The following GRIK2 variants were observed in gnomAD, a reference collection of about 807,000 sequenced individuals.
The protein encoded by GRIK2 is glutamate ionotropic receptor kainate type subunit 2, also known as glutamate receptor ionotropic, kainate 2.
GRIK2 carries 32 observed loss-of-function variants against 100.3 expected under a neutral mutation model. The observed-to-expected ratio is 0.32, with a 90% CI of 0.24 to 0.43. The LOEUF (loss-of-function observed/expected upper bound fraction) is 0.43. GRIK2 is among the 20% of genes least tolerant of loss of function. The pLI is 1.00. For missense variants in GRIK2, 843 were observed against 1,114.9 expected, an observed-to-expected ratio of 0.76 and a Z score of 3.47; for synonymous variants, 417 against 389.4, an observed-to-expected ratio of 1.07 and a Z score of -0.83.
chr6:101,859,677 G>T (rs915860162), intron 11 of GRIK2, among the ~76,000 whole-genome samples, 184 bp downstream of exon 11: 5 of 152,118 alleles, frequency 3.3e-5, no homozygotes, highest in African/African-American at 1.2e-4. Flanking sequence ...GGGATATATA[G>T]CCCTATATAT....
intron 12 of GRIK2, among the ~76,000 whole-genome samples, chr6:101,893,167 CTT>C (rs1203987785): frequency 6.6e-5 from 10 of 150,924 alleles, no homozygotes; most frequent in Non-Finnish European, 1.2e-4. Flanking sequence ...AAAATTATGT[CTT>C]ATGTCATATA....
intron 14 of GRIK2, among the ~76,000 whole-genome samples, chr6:102,026,744 C>G (rs1769725946): frequency 6.6e-6 from 1 of 151,230 alleles, no homozygotes; most frequent in Non-Finnish European, 1.5e-5. Context: ...CTCTCTGTTT[C>G]ATTGTCCTTC....
In GRIK2 at chr6:101,928,620, G is replaced by C; in HGVS notation, c.2073G>C (p.Met691Ile). The C allele has an allele frequency of 6.4e-7, 1 of 1,570,314 alleles. No individual in the cohort carries two copies. Among genetic ancestry groups the C allele is most frequent in the Non-Finnish European group, 8.8e-7 (1 of 1,140,496 alleles). Residue 691 changes from methionine to isoleucine, a missense_variant, in exon 14 of 17, where the codon ATG becomes ATC. Coordinates refer to ENST00000369134, the MANE Select transcript of GRIK2 (RefSeq NM_021956.5). ...GAGCAGTAGAGGATGGTGCAACCAT[G>C]ACTTTTTTCAAGGTAAGTTCTGCTG... ...EYGAVEDGAT[M>I]TFFKKSKIST...
At chr6:101,528,666 G>C (rs1775273433) in intron 2 of GRIK2, among the ~76,000 whole-genome samples, 1 of 151,984 alleles carries the variant, frequency 6.6e-6, no homozygotes, top group Non-Finnish European at 1.5e-5. Context: ...CTTATATCAG[G>C]GTCCTAGTGT....
At chr6:101,800,951 C>A (rs374908733) in intron 8 of GRIK2, among the ~76,000 whole-genome samples, 1 of 152,108 alleles carries the variant, frequency 6.6e-6, no homozygotes, top group Non-Finnish European at 1.5e-5. Flanking sequence ...CACACAGTGT[C>A]CCCCTTATGA....
chr6:101,966,956 CATG>C (rs1792717782), intron 14 of GRIK2, among the ~76,000 whole-genome samples: 1 of 151,800 alleles, frequency 6.6e-6, no homozygotes, highest in Admixed American at 6.6e-5. Flanking sequence ...ATTATGTATT[CATG>C]ATAAGTAACT....
rs148423181 is a variant in GRIK2 at position 102,006,884 on chromosome 6, G to A, written c.2086-28457G>A. ...CATCATGTTCGTGTAACATACATTT[G>A]ACAAAAAATAAATGCATATTTTCTG... On this transcript the variant is annotated intron_variant, in intron 14 of 16. Coordinates refer to ENST00000369134, the MANE Select transcript of GRIK2 (RefSeq NM_021956.5). Among the ~76,000 whole-genome samples the A allele has an allele frequency of 5.2e-3, 785 of 151,750 alleles. 8 individuals are homozygous for A. Among genetic ancestry groups the A allele is most frequent in the African/African-American group, 0.018 (761 of 41,382 alleles).
chr6:101,862,513 T>C (rs1255310308), intron 11 of GRIK2, among the ~76,000 whole-genome samples: 4 of 152,094 alleles, frequency 2.6e-5, no homozygotes, highest in African/African-American at 9.7e-5. Flanking sequence ...ATTGCAGCCT[T>C]GAAGCCCTTG....
chr6:102,067,565 C>CAA (rs1193126244), intron 16 of GRIK2, among the ~76,000 whole-genome samples: 1 of 151,706 alleles, frequency 6.6e-6, no homozygotes, highest in Non-Finnish European at 1.5e-5. Context: ...GGAGCTGTAA[C>CAA]AATAAGCCCC....
intron 9 of GRIK2, among the ~76,000 whole-genome samples, chr6:101,813,924 A>C (rs1781482786): frequency 6.6e-6 from 1 of 151,466 alleles, no homozygotes; most frequent in African/African-American, 2.4e-5. Flanking sequence ...ACATTGTGCC[A>C]GTGCACTCCA....
chr6:102,025,660 A>G (rs1043796234), intron 14 of GRIK2, among the ~76,000 whole-genome samples: 2 of 151,136 alleles, frequency 1.3e-5, no homozygotes, highest in Non-Finnish European at 3.0e-5. Flanking sequence ...ATCATCAACT[A>G]CTTTATACAT....
chr6:102,021,652 A>G (rs911568531), intron 14 of GRIK2, among the ~76,000 whole-genome samples: 13 of 151,502 alleles, frequency 8.6e-5, no homozygotes, highest in Non-Finnish European at 1.3e-4. Flanking sequence ...AGACTCGTAT[A>G]TTATATTCAG....
At chr6:101,950,960 G>T (rs898509764) in intron 14 of GRIK2, among the ~76,000 whole-genome samples, 30 of 152,100 alleles carry the variant, frequency 2.0e-4, no homozygotes, top group African/African-American at 7.0e-4. Flanking sequence ...GCGGGCCATA[G>T]ATTTTATTTT....
intron 2 of GRIK2, among the ~76,000 whole-genome samples, chr6:101,554,572 A>C (rs1198715179): frequency 6.6e-6 from 1 of 152,182 alleles, no homozygotes; most frequent in African/African-American, 2.4e-5. Context: ...TGGCTAGGTT[A>C]GGTGACCTCT....
intron 7 of GRIK2, among the ~76,000 whole-genome samples, chr6:101,687,117 AT>A (rs527239442): frequency 3.3e-5 from 5 of 152,130 alleles, no homozygotes; most frequent in African/African-American, 1.2e-4. Context: ...GACATTTTAT[AT>A]TTTTTATACT....
chr6:101,471,576 A>T (rs997172422), intron 2 of GRIK2, among the ~76,000 whole-genome samples: 2 of 152,074 alleles, frequency 1.3e-5, no homozygotes, highest in African/African-American at 4.8e-5. Flanking sequence ...TTTTATAAAT[A>T]CTAGTTAACA....
At chr6:101,537,685 T>C (rs958160956) in intron 2 of GRIK2, among the ~76,000 whole-genome samples, 5 of 151,808 alleles carry the variant, frequency 3.3e-5, no homozygotes, top group African/African-American at 1.2e-4. Context: ...TTTCTCTAGT[T>C]TTCTATTTAA....
chr6:101,583,613 G>GA (rs1282734064), intron 2 of GRIK2, among the ~76,000 whole-genome samples: 3 of 151,976 alleles, frequency 2.0e-5, no homozygotes, highest in East Asian at 3.9e-4. Context: ...ATATAGTGAT[G>GA]AAAAAAACCT....
chr6:101,965,749 A>G (rs1792628090), intron 14 of GRIK2, among the ~76,000 whole-genome samples: 1 of 152,066 alleles, frequency 6.6e-6, no homozygotes, highest in African/African-American at 2.4e-5. Context: ...GGTTAATTTT[A>G]CCTCATTTGA....
Sources: allele counts gnomAD v4.1 joint callset (sites outside exome capture counted in the v4.1 genomes callset), GRCh38; gene constraint gnomAD v4.1.1; transcripts MANE v1.5; gene names NCBI Gene and HGNC (gene_info 2026-07-23, HGNC 2026-07-21).